Variants in PLPPR5 observed in about 807,000 individuals in gnomAD.
PLPPR5 encodes phospholipid phosphatase related 5.
Under a neutral mutation model 33.9 loss-of-function variants are expected in PLPPR5, and 16 were observed. That is an observed-to-expected ratio of 0.47 (90% CI 0.32 to 0.72). The LOEUF (loss-of-function observed/expected upper bound fraction) is 0.72, where lower values mean the gene tolerates loss of function less well. Ranked by LOEUF, PLPPR5 falls within the 30% of genes least tolerant of loss-of-function variation. The probability of loss-of-function intolerance (pLI) is 0.03; values close to 1 mark genes in which losing one functional copy is unlikely to be tolerated. For missense variants in PLPPR5, 301 were observed against 406.7 expected, an observed-to-expected ratio of 0.74 and a Z score of 2.23; for synonymous variants, 163 against 150.3, an observed-to-expected ratio of 1.08 and a Z score of -0.62.
intron 1 of PLPPR5, among the ~76,000 whole-genome samples, chr1:98,967,090 G>C (rs1651476117): frequency 6.6e-6 from 1 of 152,080 alleles, no homozygotes; most frequent in African/African-American, 2.4e-5. Flanking sequence ...GGGATTTTTA[G>C]ATACTGATTC....
intron 1 of PLPPR5, among the ~76,000 whole-genome samples, chr1:98,993,452 A>G (rs1652526877): frequency 6.6e-6 from 1 of 152,122 alleles, no homozygotes; most frequent in Non-Finnish European, 1.5e-5. Flanking sequence ...AAGAGGAAAT[A>G]AAGATCTCTT....
chr1:98,966,167 T>A lies in PLPPR5; in HGVS notation c.238-9426A>T, dbSNP rs1651444966. Among the ~76,000 whole-genome samples, 4 of 152,350 alleles carry A rather than the reference T, an allele frequency of 2.6e-5. No homozygotes were observed. The South Asian group carries it at 8.3e-4, about 32-fold the overall frequency. On this transcript the variant is annotated intron_variant, in intron 1 of 5. Transcript: ENST00000263177. ...AAAACAATGTAGGCTTTTTTGTATT[T>A]ATTTTATGGTTCCCTTCTACTTACC...
chr1:98,961,901 C>G (rs1651262288), intron 1 of PLPPR5, among the ~76,000 whole-genome samples: 1 of 152,184 alleles, frequency 6.6e-6, no homozygotes, highest in Non-Finnish European at 1.5e-5. Context: ...TCCCCTGCTC[C>G]ACTAAGGAAT....
At chr1:98,975,985 A>G (rs1651834716) in intron 1 of PLPPR5, among the ~76,000 whole-genome samples, 2 of 150,616 alleles carry the variant, frequency 1.3e-5, no homozygotes, top group Admixed American at 1.3e-4. Context: ...ATGAATACAT[A>G]TGTTAAATGG....
rs1652996932 is a variant in PLPPR5, at chr1:99,004,520, C to T, written c.152G>A (p.Arg51His). The T allele has an allele frequency of 6.2e-7, 1 of 1,613,142 alleles. No homozygotes were observed. Among genetic ancestry groups the T allele is most frequent in the South Asian group, 1.1e-5 (1 of 91,068 alleles). Residue 51 changes from arginine (R) to histidine (H), a missense_variant, in exon 1 of 6, where the codon CGC becomes CAC. Coordinates refer to ENST00000263177, the MANE Select transcript of PLPPR5 (RefSeq NM_001037317.2). The stretch of plus-strand genomic sequence containing the variant: ...GTCCTCCGGGCCCGGGTAGGGTTTG[C>T]GGTAGGCGCTGTCGTGGCAGAAGAA... ...QGFFCHDSAYRKPYPGPEDSS... is the reference protein window; with the variant it reads ...QGFFCHDSAYHKPYPGPEDSS...
At chr1:98,934,396 G>GA (rs1337709695) in intron 3 of PLPPR5, among the ~76,000 whole-genome samples, 3 of 152,132 alleles carry the variant, frequency 2.0e-5, no homozygotes, top group Non-Finnish European at 2.9e-5. Context: ...ATAGTATATA[G>GA]AAAAAGCTAT....
chr1:98,931,605 A>C (rs1447696048), intron 3 of PLPPR5, among the ~76,000 whole-genome samples: 1 of 152,084 alleles, frequency 6.6e-6, no homozygotes, highest in Non-Finnish European at 1.5e-5. Flanking sequence ...AGTAGTCTTC[A>C]AGCAGAGGTA....
At chr1:98,897,433 A>C (rs567029235) in intron 5 of PLPPR5, among the ~76,000 whole-genome samples, 1 of 152,330 alleles carries the variant, frequency 6.6e-6, no homozygotes, top group South Asian at 2.1e-4. Context: ...TTATTTAAAC[A>C]TTGTCTTAAT....
chr1:98,920,009 T>G (rs170113), intron 4 of PLPPR5, among the ~76,000 whole-genome samples: 140,935 of 152,154 alleles, frequency 0.93, 65,376 homozygotes, highest in East Asian at 1. Context: ...TATTATATAG[T>G]CAGTTTTTAC....
intron 1 of PLPPR5, among the ~76,000 whole-genome samples, chr1:99,001,705 T>G (rs1257615579): frequency 2.2e-4 from 29 of 129,144 alleles, no homozygotes; most frequent in African/African-American, 6.3e-4. Context: ...TATATATATA[T>G]GAAGCTTTAT....
At chr1:98,992,269 T>C (rs1046419165) in intron 1 of PLPPR5, among the ~76,000 whole-genome samples, 7 of 152,230 alleles carry the variant, frequency 4.6e-5, no homozygotes, top group South Asian at 2.1e-4. Flanking sequence ...ACTGAACCAG[T>C]CCTGCTATTA....
At chr1:98,969,463 A>G (rs1367888586) in intron 1 of PLPPR5, among the ~76,000 whole-genome samples, 3 of 152,074 alleles carry the variant, frequency 2.0e-5, no homozygotes, top group Non-Finnish European at 4.4e-5. Context: ...GGAAACTAAA[A>G]AGGCATTTAA....
intron 5 of PLPPR5, among the ~76,000 whole-genome samples, chr1:98,907,401 C>T (rs1186646128): frequency 6.6e-6 from 1 of 151,964 alleles, no homozygotes; most frequent in East Asian, 1.9e-4. Flanking sequence ...GGGGTTTTGT[C>T]ATGTCGGCCC....
At chr1:98,958,243 A>G (rs536764807) in intron 1 of PLPPR5, among the ~76,000 whole-genome samples, 2 of 152,360 alleles carry the variant, frequency 1.3e-5, no homozygotes, top group South Asian at 4.1e-4. Flanking sequence ...GAAAAGTAGT[A>G]TCTATGATTA....
At chr1:98,959,902 C>T (rs1238154294) in intron 1 of PLPPR5, among the ~76,000 whole-genome samples, 1 of 152,152 alleles carries the variant, frequency 6.6e-6, no homozygotes, top group Non-Finnish European at 1.5e-5. Context: ...TGTCAAATGC[C>T]TGTCCATCAC....
At chr1:98,921,555 AT>A (rs1454726754) in intron 4 of PLPPR5, among the ~76,000 whole-genome samples, 1 of 152,202 alleles carries the variant, frequency 6.6e-6, no homozygotes, top group Non-Finnish European at 1.5e-5. Flanking sequence ...TCCTTAAAAA[AT>A]ATTATAGGCA....
intron 4 of PLPPR5, among the ~76,000 whole-genome samples, chr1:98,918,924 G>A (rs1649453823): frequency 6.6e-6 from 1 of 152,076 alleles, no homozygotes. Context: ...TAGTTATTGG[G>A]GATATGCTGT....
At chr1:98,970,934 G>C (rs1651635303) in intron 1 of PLPPR5, among the ~76,000 whole-genome samples, 2 of 151,874 alleles carry the variant, frequency 1.3e-5, no homozygotes, top group African/African-American at 4.8e-5. Flanking sequence ...CTTTTTATCT[G>C]AACTTCTGCA....
At chr1:98,991,666 C>G (rs902808309) in intron 1 of PLPPR5, among the ~76,000 whole-genome samples, 2 of 141,202 alleles carry the variant, frequency 1.4e-5, no homozygotes, top group Non-Finnish European at 3.1e-5. Context: ...TTCCAAATAA[C>G]TTCAAAAGGT....
Sources: gnomAD v4.1 joint callset for allele counts (sites outside exome capture counted in the v4.1 genomes callset) on GRCh38, gnomAD v4.1.1 for gene constraint, MANE v1.5 for transcripts, NCBI Gene and HGNC (gene_info 2026-07-23, HGNC 2026-07-21) for gene names.